NLRP1: variants seen among roughly 807,000 people sequenced by gnomAD.
NLRP1 encodes the protein NACHT, LRR and PYD domains-containing protein 1.
A neutral mutation model predicts 136.7 loss-of-function variants in NLRP1; 94 were observed. The observed-to-expected ratio is 0.69, with a 90% confidence interval of 0.58 to 0.82. The LOEUF (loss-of-function observed/expected upper bound fraction) is 0.82, where lower values mean the gene tolerates loss of function less well. Among genes scored for constraint, NLRP1 ranks in the 40% least tolerant of loss-of-function variants. The probability of loss-of-function intolerance (pLI) is 0.00; values close to 1 mark genes in which losing one functional copy is unlikely to be tolerated. For missense variants in NLRP1, 1,575 were observed against 1,802.7 expected, an observed-to-expected ratio of 0.87 and a Z score of 2.29; for synonymous variants, 690 against 725.1, an observed-to-expected ratio of 0.95 and a Z score of 0.78.
In NLRP1 at chr17:5,582,850, C is replaced by A. The variant is rs201333852; in HGVS notation, c.272-4G>T. 1 of 1,600,006 alleles carries A rather than the reference C, an allele frequency of 6.2e-7. No homozygotes were observed. Among genetic ancestry groups the A allele is most frequent in the Non-Finnish European group, 8.5e-7 (1 of 1,172,784 alleles). The stretch of plus-strand genomic sequence containing the variant: ...TAGGGGAATGAGGGAGAGTGGCCTA[C>A]AGGAAAGAGACAAAGAGGTTGGAGA... On this transcript the variant is annotated splice_region_variant and splice_polypyrimidine_tract_variant and intron_variant, in intron 1 of 16. Coordinates refer to ENST00000572272, the MANE Select transcript of NLRP1 (RefSeq NM_033004.4).
chr17:5,563,319 A>C lies in NLRP1; in HGVS notation c.653-3276T>G, dbSNP rs117865714. Among the ~76,000 whole-genome samples, 42 of 152,330 alleles carry C rather than the reference A, an allele frequency of 2.8e-4. No individual in the cohort carries two copies. The East Asian group carries it at 8.1e-3, about 29-fold the overall frequency. On this transcript the variant is annotated intron_variant, in intron 3 of 16. Coordinates refer to ENST00000572272, the MANE Select transcript of NLRP1 (RefSeq NM_033004.4). ...ACATAGAATTCAGAATATGAGTAGG[A>C]ATGAAGATCATTGAGATTCAGGAGA...
intron 5 of NLRP1, among the ~76,000 whole-genome samples, chr17:5,544,139 C>T (rs548547145): frequency 4.6e-5 from 7 of 152,276 alleles, no homozygotes; most frequent in South Asian, 2.1e-4. Flanking sequence ...GGAAATAGTT[C>T]TTGGTCATCC....
Position 5,559,515 on chromosome 17 carries a change from G to C in NLRP1, c.1181C>G (p.Pro394Arg). The change falls in exon 4 of 17, where the codon CCC becomes CGC. Residue 394 changes from proline to arginine, a missense_variant. Physicochemically the swap from Pro to Arg is moderately radical, Grantham distance 103. Coordinates refer to ENST00000572272, the MANE Select transcript of NLRP1 (RefSeq NM_033004.4). ...IGKDGTATPA[P>R]IRQILSRPER... ...TGGCCTAGACAGGATCTGTCTAATG[G>C]GAGCCGGAGTGGCTGTCCCATCTTT... 1.2e-6 allele frequency: 2 copies of C among 1,614,206 alleles called. No individual in the cohort carries two copies.
chr17:5,558,434 G>A lies in NLRP1; in HGVS notation c.2262C>T (p.Cys754=), dbSNP rs199627658. Residue 754 remains cysteine (C), a synonymous_variant, in exon 4 of 17, where the codon TGC becomes TGT. Coordinates refer to ENST00000572272, the MANE Select transcript of NLRP1 (RefSeq NM_033004.4). ...GGCGGCTGAATTTAATGCAGAAAGT[G>A]CACACTAAGAGCTCCATGTCTGTTT... ...CVETDMELLV[C]TFCIKFSRHV... 5 of 1,613,616 alleles carry A rather than the reference G, an allele frequency of 3.1e-6. No homozygotes were observed. Among genetic ancestry groups the A allele is most frequent in the Non-Finnish European group, 3.4e-6 (4 of 1,179,892 alleles).
intron 5 of NLRP1, among the ~76,000 whole-genome samples, chr17:5,550,062 T>C (rs1208496097): frequency 6.6e-6 from 1 of 152,244 alleles, no homozygotes; most frequent in Admixed American, 6.5e-5. Flanking sequence ...GGTCATGGTC[T>C]ACAATCCTTT....
intron 3 of NLRP1, among the ~76,000 whole-genome samples, chr17:5,569,999 C>T (rs958240400): frequency 1.3e-5 from 2 of 152,152 alleles, no homozygotes; most frequent in East Asian, 1.9e-4. Context: ...ATTAAACAAC[C>T]TGCTCCTGAG....
chr17:5,524,157 C>A (rs751836499), intron 12 of NLRP1, among the ~76,000 whole-genome samples: 1 of 152,184 alleles, frequency 6.6e-6, no homozygotes, highest in African/African-American at 2.4e-5. Flanking sequence ...AGGTGATCCA[C>A]CTGCCTCGGC....
chr17:5,562,743 G>A (rs1001433825), intron 3 of NLRP1, among the ~76,000 whole-genome samples: 5 of 152,192 alleles, frequency 3.3e-5, no homozygotes, highest in African/African-American at 1.2e-4. Flanking sequence ...GCTCCCACCA[G>A]TGCCCTGCCC....
intron 3 of NLRP1, 103 bp from the exon 4 acceptor site, chr17:5,560,146 G>T: frequency 9.5e-7 from 1 of 1,047,240 alleles, no homozygotes; most frequent in Non-Finnish European, 1.3e-6. Context: ...CACACACTGC[G>T]CTGTCTGCAG....
chr17:5,539,768 C>A (rs1911620352), intron 6 of NLRP1, 183 bp from the exon 7 acceptor site: 1 of 687,094 alleles, frequency 1.5e-6, no homozygotes, highest in Non-Finnish European at 1.8e-6. Context: ...CTCTTGCAGC[C>A]ACGGAACCCC....
intron 3 of NLRP1, among the ~76,000 whole-genome samples, chr17:5,576,895 T>A (rs926796847): frequency 6.6e-6 from 1 of 152,080 alleles, no homozygotes; most frequent in Non-Finnish European, 1.5e-5. Flanking sequence ...CAGCAGCACA[T>A]CAAAAAGCTT....
chr17:5,559,493 C>T lies in NLRP1; in HGVS notation c.1203G>A (p.Arg401=), dbSNP rs201027045. Residue 401 remains arginine (R), a synonymous_variant, in exon 4 of 17, where the codon AGG becomes AGA. Coordinates refer to ENST00000572272, the MANE Select transcript of NLRP1 (RefSeq NM_033004.4). ...TPAPIRQILS[R]PERLLFILDG... ...CGAGGATGAAGAGCAGCCGCTCTGGCCTAGACAGGATCTGTCTAATGGGAG... is the reference window on the plus strand; with the variant it reads ...CGAGGATGAAGAGCAGCCGCTCTGGTCTAGACAGGATCTGTCTAATGGGAG... 3.7e-6 allele frequency: 6 copies of T among 1,614,184 alleles called. No homozygotes were observed. Among genetic ancestry groups the T allele is most frequent in the Non-Finnish European group, 5.1e-6 (6 of 1,179,992 alleles).
intron 12 of NLRP1, among the ~76,000 whole-genome samples, chr17:5,524,864 T>C (rs184730565): frequency 3.4e-4 from 52 of 152,294 alleles, no homozygotes; most frequent in Middle Eastern, 3.4e-3. Flanking sequence ...CTGTCCATGC[T>C]TGCCCAGGAC....
chr17:5,563,499 C>CA (rs1914987269), intron 3 of NLRP1, among the ~76,000 whole-genome samples: 1 of 152,200 alleles, frequency 6.6e-6, no homozygotes, highest in Non-Finnish European at 1.5e-5. Flanking sequence ...GTATTAACAA[C>CA]AGGATAGACC....
chr17:5,564,452 T>C (rs893608276), intron 3 of NLRP1, among the ~76,000 whole-genome samples: 1 of 152,220 alleles, frequency 6.6e-6, no homozygotes, highest in Non-Finnish European at 1.5e-5. Flanking sequence ...GAACATGTGA[T>C]GTTTGTCTTC....
chr17:5,514,555 GTTAGGCCACCTGGAC>G lies in NLRP1; in HGVS notation c.*184_*198del. On this transcript the variant is annotated 3_prime_UTR_variant, in exon 17 of 17. Transcript: ENST00000572272. ...CCAGATGGACATTCCCTGAGATGCT[GTTAGGCCACCTGGAC>G]TGGGGCCCCCTGTGGCATCCCTGGC... 7.0e-7 allele frequency: 1 copy of G among 1,429,492 alleles called. No homozygotes were observed. The highest frequency in any genetic ancestry group is 9.1e-7 in the Non-Finnish European group (1 of 1,096,128). 88.6% of individuals were successfully genotyped at this position (1,429,492 alleles called of 1,614,324 possible).
chr17:5,524,706 C>T (rs902251561), intron 12 of NLRP1, among the ~76,000 whole-genome samples: 2 of 152,170 alleles, frequency 1.3e-5, no homozygotes, highest in South Asian at 2.1e-4. Flanking sequence ...TTTTCCAAGG[C>T]CACACAACCA....
intron 12 of NLRP1, among the ~76,000 whole-genome samples, chr17:5,526,346 G>GT (rs1428464159): frequency 6.6e-6 from 1 of 152,164 alleles, no homozygotes; most frequent in Non-Finnish European, 1.5e-5. Context: ...ATACGATTCA[G>GT]TAAGTGTTGG....
Position 5,580,098 on chromosome 17 carries a change from C to T in NLRP1, c.652+1761G>A, listed in dbSNP as rs149806814. On this transcript the variant is annotated intron_variant, in intron 3 of 16. Coordinates refer to ENST00000572272, the MANE Select transcript of NLRP1 (RefSeq NM_033004.4). ...AAAATACAAAAAATTAGCAGGGCTT[C>T]GTGGCGGGCACCTGTAGTCCCAGCG... Among the ~76,000 whole-genome samples, 9 of 151,932 alleles carry T rather than the reference C, an allele frequency of 5.9e-5. No individual in the cohort carries two copies. In the East Asian group the frequency reaches 1.2e-3, roughly 20 times the overall value.
Sources: allele counts gnomAD v4.1 joint callset (sites outside exome capture counted in the v4.1 genomes callset), GRCh38; gene constraint gnomAD v4.1.1; transcripts MANE v1.5; gene names NCBI Gene and HGNC (gene_info 2026-07-23, HGNC 2026-07-21).